The following VCL variants were observed in gnomAD, a reference collection of about 807,000 sequenced individuals.
VCL encodes the protein epididymis luminal protein 114.
In VCL, 47 loss-of-function variants were observed where a neutral mutation model predicts 125.7. That is an observed-to-expected ratio of 0.37 (90% CI 0.30 to 0.48). The LOEUF (loss-of-function observed/expected upper bound fraction) is 0.48, where lower values mean the gene tolerates loss of function less well. VCL is among the 20% of genes least tolerant of loss of function. The pLI is 0.99. For missense variants in VCL, 1,069 were observed against 1,455.5 expected (o/e 0.73, Z 4.32); for synonymous variants, 458 against 514.6 (o/e 0.89, Z 1.49).
At chr10:74,028,234 C>T (rs555206796) in intron 1 of VCL, among the ~76,000 whole-genome samples, 1 of 152,120 alleles carries the variant, frequency 6.6e-6, no homozygotes, top group Non-Finnish European at 1.5e-5. Flanking sequence ...AGCCACCACA[C>T]CTAGTTAATT....
chr10:74,116,686 CAA>C (rs34188235), intron 21 of VCL, among the ~76,000 whole-genome samples: 1 of 136,328 alleles, frequency 7.3e-6, no homozygotes, highest in Non-Finnish European at 1.6e-5. Flanking sequence ...AACTCCGTCT[CAA>C]AAAAAAAAAA....
rs775532849 is a variant in VCL, at chr10:74,095,711, G to C, written c.1599G>C (p.Met533Ile). ...VAEGHRLANVMMGPYRQDLLA... is the reference protein window; with the variant it reads ...VAEGHRLANVIMGPYRQDLLA... Reference sequence around the variant, plus strand: ...AAGGGCATCGTCTGGCTAATGTTATGATGGGGCCTTATCGGCAAGATCTTC... The same window carrying C: ...AAGGGCATCGTCTGGCTAATGTTATCATGGGGCCTTATCGGCAAGATCTTC... Residue 533 changes from methionine to isoleucine, a missense_variant, in exon 12 of 22, where the codon ATG becomes ATC. Physicochemically the swap from Met to Ile is conservative, Grantham distance 10. Around this residue, in one of 6 missense-constraint regions of VCL, gnomAD observed 760 missense variants for 928.9 expected, o/e 0.82. Coordinates refer to ENST00000211998, the MANE Select transcript of VCL (RefSeq NM_014000.3). The C allele has an allele frequency of 3.1e-6, 5 of 1,614,082 alleles. No individual in the cohort carries two copies. Among genetic ancestry groups the C allele is most frequent in the South Asian group, 1.1e-5 (1 of 91,084 alleles).
chr10:74,010,266 G>A (rs914469721), intron 1 of VCL, among the ~76,000 whole-genome samples: 2 of 152,128 alleles, frequency 1.3e-5, no homozygotes, highest in African/African-American at 2.4e-5. Context: ...ATTTATTAGG[G>A]AAGGAAGTTG....
In VCL at chr10:73,998,232, A is replaced by T; in HGVS notation, c.25A>T (p.Ile9Phe). The T allele has an allele frequency of 6.2e-7, 1 of 1,612,960 alleles. No homozygotes were observed. The highest frequency in any genetic ancestry group is 8.5e-7 in the Non-Finnish European group (1 of 1,179,566). The change falls in exon 1 of 22, where the codon ATC becomes TTC. Residue 9 changes from isoleucine to phenylalanine, a missense_variant. By Grantham distance (21) the Ile-to-Phe change is conservative. Coordinates refer to ENST00000211998, the MANE Select transcript of VCL (RefSeq NM_014000.3). MPVFHTRT[I>F]ESILEPVAQQ... ...GATGCCAGTGTTTCATACGCGCACG[A>T]TCGAGAGCATCCTGGAGCCGGTGGC...
intron 6 of VCL, among the ~76,000 whole-genome samples, chr10:74,080,750 G>T (rs746284041): frequency 6.6e-6 from 1 of 152,166 alleles, no homozygotes; most frequent in Non-Finnish European, 1.5e-5. Context: ...CTAAGTAAGA[G>T]TTTGTGATTA....
At chr10:74,109,282 C>A in intron 18 of VCL, 126 bp downstream of exon 18, 1 of 1,181,816 alleles carries the variant, frequency 8.5e-7, no homozygotes, top group Non-Finnish European at 1.2e-6. Context: ...TCCTGTGTTG[C>A]CAATAGCATA....
chr10:74,083,340 A>C, intron 7 of VCL, 26 bp from the exon 8 acceptor site: 2 of 1,612,772 alleles, frequency 1.2e-6, no homozygotes, highest in Non-Finnish European at 1.7e-6. Context: ...TCAACAATGT[A>C]GTTATTGAAT....
chr10:74,027,422 A>G (rs1263706682), intron 1 of VCL, among the ~76,000 whole-genome samples: 1 of 151,100 alleles, frequency 6.6e-6, no homozygotes, highest in African/African-American at 2.4e-5. Flanking sequence ...GCACTTTGGG[A>G]GGCCGAGGTA....
At chr10:74,104,756 T>C (rs949732530) in intron 15 of VCL, among the ~76,000 whole-genome samples, 2 of 152,184 alleles carry the variant, frequency 1.3e-5, no homozygotes, top group Non-Finnish European at 2.9e-5. Context: ...TTCAGACATA[T>C]TCCTTGTTTC....
At chr10:74,066,339 G>A (rs1015300560) in intron 2 of VCL, among the ~76,000 whole-genome samples, 1 of 151,896 alleles carries the variant, frequency 6.6e-6, no homozygotes, top group African/African-American at 2.4e-5. Context: ...GATTACAGGC[G>A]TGAGCCACCA....
Position 74,108,985 on chromosome 10 carries a change from T to G in VCL, c.2574T>G (p.Leu858=), listed in dbSNP as rs1312591721. The G allele has an allele frequency of 6.2e-7, 1 of 1,614,176 alleles. No individual in the cohort carries two copies. ...DLEQLRLTDE[L]APPKPPLPEG... The stretch of plus-strand genomic sequence containing the variant: ...CTCTTTTTTAGCTAACAGATGAGCT[T>G]GCTCCTCCCAAACCACCTCTGCCTG... Residue 858 remains leucine, a synonymous_variant, in exon 18 of 22, where the codon CTT becomes CTG. Transcript: ENST00000211998.
intron 2 of VCL, among the ~76,000 whole-genome samples, chr10:74,061,405 C>A (rs1280328892): frequency 6.6e-6 from 1 of 152,170 alleles, no homozygotes; most frequent in Non-Finnish European, 1.5e-5. Flanking sequence ...AATTTTATTC[C>A]TGTAAACCTT....
intron 1 of VCL, among the ~76,000 whole-genome samples, chr10:74,013,088 C>T (rs1356615614): frequency 6.6e-6 from 1 of 152,112 alleles, no homozygotes; most frequent in African/African-American, 2.4e-5. Flanking sequence ...TAGTGCTTGG[C>T]ATATAGTAGG....
intron 2 of VCL, among the ~76,000 whole-genome samples, chr10:74,043,961 A>C (rs1024434705): frequency 6.6e-6 from 1 of 151,608 alleles, no homozygotes; most frequent in Non-Finnish European, 1.5e-5. Context: ...TATAAAAAAA[A>C]TTAGCCAGGC....
chr10:74,035,836 C>T (rs1462646507), intron 1 of VCL, among the ~76,000 whole-genome samples: 1 of 152,168 alleles, frequency 6.6e-6, no homozygotes, highest in African/African-American at 2.4e-5. Context: ...AGGATAGTTG[C>T]ATCTGTGTTG....
chr10:74,014,078 T>A lies in VCL; in HGVS notation c.168+15703T>A, dbSNP rs370560272. On this transcript the variant is annotated intron_variant, in intron 1 of 21. Transcript: ENST00000211998. ...ATTGCCAGTTTCCCATGATTAAAGA[T>A]AGACATCTAAATTTTTAATTTATAT... 1.9e-4 allele frequency among the ~76,000 whole-genome samples: 29 copies of A among 152,308 alleles called. No homozygotes were observed. The East Asian group carries it at 5.0e-3, about 26-fold the overall frequency.
chr10:74,075,629 A>T (rs1231745494), intron 6 of VCL: 2 of 152,654 alleles, frequency 1.3e-5, no homozygotes, highest in Non-Finnish European at 2.9e-5. Context: ...TCCTTGTAGG[A>T]GCCCAAGATG....
chr10:74,014,090 T>A (rs925168486), intron 1 of VCL, among the ~76,000 whole-genome samples: 21 of 152,230 alleles, frequency 1.4e-4, no homozygotes, highest in African/African-American at 5.1e-4. Context: ...GACATCTAAA[T>A]TTTTAATTTA....
intron 1 of VCL, among the ~76,000 whole-genome samples, chr10:74,009,147 T>C (rs965809567): frequency 6.6e-6 from 1 of 151,198 alleles, no homozygotes; most frequent in Non-Finnish European, 1.5e-5. Context: ...TTGCAGTATA[T>C]GTTTGAATAT....
Sources: allele counts gnomAD v4.1 joint callset (sites outside exome capture counted in the v4.1 genomes callset), GRCh38; gene constraint gnomAD v4.1.1; regional missense constraint gnomAD v4.1.1; transcripts MANE v1.5; gene names NCBI Gene and HGNC (gene_info 2026-07-23, HGNC 2026-07-21).